Variants in ADGRL2 observed in about 807,000 individuals in gnomAD.
The protein encoded by ADGRL2 is calcium-independent alpha-latrotoxin receptor 2.
ADGRL2 carries 44 observed loss-of-function variants against 157.4 expected under a neutral mutation model. That is an observed-to-expected ratio of 0.28 (90% CI 0.22 to 0.36). The LOEUF is 0.36. Ranked by LOEUF, ADGRL2 falls within the 10% of genes least tolerant of loss-of-function variation. The pLI is 1.00. For missense variants in ADGRL2, 1,510 were observed against 1,768.9 expected, an observed-to-expected ratio of 0.85 and a Z score of 2.63; for synonymous variants, 585 against 624.7, an observed-to-expected ratio of 0.94 and a Z score of 0.95.
rs1351741021 is a variant in ADGRL2 at position 81,817,446 on chromosome 1, C to A, written c.-101+16378C>A. ...ATTTGGTAATAAATCTAGAAAAGTG[C>A]AGCTTTTTGTTAGTATATGTAAATA... On this transcript the variant is annotated intron_variant, in intron 1 of 23. Transcript: ENST00000686636. Among the ~76,000 whole-genome samples, 4 of 151,888 alleles carry A rather than the reference C, an allele frequency of 2.6e-5. No homozygotes were observed. The East Asian group carries it at 7.7e-4, about 29-fold the overall frequency.
Position 81,459,211 on chromosome 1 carries a change from G to A in ADGRL2, c.-248+14122G>A, listed in dbSNP as rs1387214481. ...CTGGTTGTGGACTCTATCCAGAACT[G>A]GCAGCTCAGTCTTCAGGCTTTGAAC... On this transcript the variant is annotated intron_variant, in intron 2 of 24. Coordinates refer to the ADGRL2 transcript ENST00000370721. Among the ~76,000 whole-genome samples, 6 of 152,284 alleles carry A rather than the reference G, an allele frequency of 3.9e-5. No individual in the cohort carries two copies. The South Asian group carries it at 1.0e-3, about 26-fold the overall frequency.
At chr1:81,589,814 A>C (rs957137230) in intron 3 of ADGRL2, among the ~76,000 whole-genome samples, 9 of 152,186 alleles carry the variant, frequency 5.9e-5, no homozygotes, top group Non-Finnish European at 8.8e-5. Flanking sequence ...ACAATAGTTG[A>C]TCAAGAAAAC....
At chr1:81,980,659 A>T (rs907095721) in intron 18 of ADGRL2, 4 of 456,720 alleles carry the variant, frequency 8.8e-6, no homozygotes, top group Non-Finnish European at 1.6e-5. Context: ...TAGTAAGGGT[A>T]AATTTTTTTT....
At chr1:81,788,925 C>G (rs151333999) in intron 2 of ADGRL2, among the ~76,000 whole-genome samples, 24,026 of 152,098 alleles carry the variant, frequency 0.16, 1,930 homozygotes, top group East Asian at 0.19. Flanking sequence ...ACTGTGTTAA[C>G]CAGGATGGTC....
intron 1 of ADGRL2, among the ~76,000 whole-genome samples, chr1:81,341,118 T>C (rs890292938): frequency 2.8e-4 from 43 of 151,952 alleles, no homozygotes; most frequent in African/African-American, 1.0e-3. Flanking sequence ...TAACATGGAG[T>C]TGAGGTCAAA....
intron 2 of ADGRL2, among the ~76,000 whole-genome samples, chr1:81,458,431 T>C (rs996013454): frequency 6.6e-6 from 1 of 152,220 alleles, no homozygotes; most frequent in African/African-American, 2.4e-5. Context: ...CGGCACGTTC[T>C]TTTCTGCTGC....
At chr1:81,384,089 C>A (rs1428732884) in intron 1 of ADGRL2, among the ~76,000 whole-genome samples, 2 of 152,030 alleles carry the variant, frequency 1.3e-5, no homozygotes, top group African/African-American at 2.4e-5. Flanking sequence ...TTTAGGAATG[C>A]TTTTCTGTAG....
chr1:81,611,456 T>TA lies in ADGRL2; in HGVS notation c.-143+30483dup, dbSNP rs1302392193. 3.9e-5 allele frequency among the ~76,000 whole-genome samples: 6 copies of TA among 152,292 alleles called. No homozygotes were observed. The South Asian group carries it at 6.2e-4, about 16-fold the overall frequency. ...ATCTTTGTTACTACTTTTATTACTA[T>TA]AAAAAAACTCCCAACAACACAAGCC... On this transcript the variant is annotated intron_variant, in intron 3 of 24. Transcript: ENST00000370721.
chr1:81,848,375 A>C (rs1396061322), intron 2 of ADGRL2, among the ~76,000 whole-genome samples: 3 of 151,824 alleles, frequency 2.0e-5, no homozygotes, highest in Admixed American at 2.0e-4. Flanking sequence ...TTAGTAGTGT[A>C]GAATTTTTCA....
intron 2 of ADGRL2, among the ~76,000 whole-genome samples, chr1:81,883,091 G>A (rs1273459136): frequency 6.6e-6 from 1 of 152,118 alleles, no homozygotes; most frequent in Non-Finnish European, 1.5e-5. Context: ...GTGAAACCCA[G>A]GCATATAATT....
In ADGRL2 at chr1:81,993,784, G is replaced by A. The variant is rs535922500; in HGVS notation, c.*2639G>A. Among the ~76,000 whole-genome samples, 1 of 152,226 alleles carries A rather than the reference G, an allele frequency of 6.6e-6. No individual in the cohort carries two copies. The highest frequency in any genetic ancestry group is 1.5e-5 in the Non-Finnish European group (1 of 68,022). On this transcript the variant is annotated 3_prime_UTR_variant, in exon 24 of 24. Transcript: ENST00000686636. ...GGGTCTGCCTAGACTTCACCTGAAT[G>A]TACAGTTTTCACATTCTTGATTGTT...
At chr1:81,576,447 A>G (rs1035558031) in intron 2 of ADGRL2, among the ~76,000 whole-genome samples, 7 of 152,182 alleles carry the variant, frequency 4.6e-5, no homozygotes, top group African/African-American at 1.4e-4. Flanking sequence ...TGCCAGTTAA[A>G]TGAAACATAT....
At chr1:81,327,818 A>G (rs1234327020) in intron 1 of ADGRL2, among the ~76,000 whole-genome samples, 1 of 152,150 alleles carries the variant, frequency 6.6e-6, no homozygotes, top group East Asian at 1.9e-4. Flanking sequence ...TTGTGAATCA[A>G]TACTAAATAC....
intron 2 of ADGRL2, among the ~76,000 whole-genome samples, chr1:81,900,341 A>G (rs957571787): frequency 1.2e-4 from 18 of 152,190 alleles, no homozygotes; most frequent in African/African-American, 4.3e-4. Context: ...AAAGCCTTCT[A>G]GCATCGGGCT....
In ADGRL2 at chr1:81,669,738, C is replaced by G. The variant is rs514226; in HGVS notation, c.-143+88758C>G. The stretch of plus-strand genomic sequence containing the variant: ...CGGGCGGATCATGAGGTCAGGAGAT[C>G]GAGACCATCCTGGCTAACACGGTGA... On this transcript the variant is annotated intron_variant, in intron 3 of 24. Transcript: ENST00000370721. 4.8e-3 allele frequency among the ~76,000 whole-genome samples: 727 copies of G among 151,738 alleles called. 3 individuals are homozygous for G. Among genetic ancestry groups the G allele is most frequent in the East Asian group, 0.021 (110 of 5,118 alleles).
intron 1 of ADGRL2, among the ~76,000 whole-genome samples, chr1:81,717,353 G>T (rs2084153923): frequency 6.6e-6 from 1 of 152,170 alleles, no homozygotes; most frequent in Non-Finnish European, 1.5e-5. Context: ...ACAAGTCAAA[G>T]GCTATGCATC....
At chr1:81,335,774 G>A (rs183503066) in intron 1 of ADGRL2, among the ~76,000 whole-genome samples, 7 of 150,952 alleles carry the variant, frequency 4.6e-5, no homozygotes, top group South Asian at 2.1e-4. Flanking sequence ...TATTCTACAC[G>A]TATTAAATCC....
chr1:81,628,952 A>G (rs528014645), intron 3 of ADGRL2, among the ~76,000 whole-genome samples: 11 of 152,238 alleles, frequency 7.2e-5, no homozygotes, highest in Non-Finnish European at 1.5e-4. Flanking sequence ...TCTTACATTT[A>G]GAGGATAGTA....
intron 1 of ADGRL2, among the ~76,000 whole-genome samples, chr1:81,741,957 A>T (rs1371188050): frequency 6.6e-6 from 1 of 152,018 alleles, no homozygotes; most frequent in African/African-American, 2.4e-5. Flanking sequence ...TATATAAAAC[A>T]TAAGCTAACT....
Sources: allele counts gnomAD v4.1 joint callset (sites outside exome capture counted in the v4.1 genomes callset), GRCh38; gene constraint gnomAD v4.1.1; transcripts MANE v1.5; gene names NCBI Gene and HGNC (gene_info 2026-07-23, HGNC 2026-07-21).